NRXN1: variants seen among roughly 807,000 people sequenced by gnomAD.
NRXN1 encodes neurexin-1.
NRXN1 carries 39 observed loss-of-function variants against 150.9 expected under a neutral mutation model. The observed-to-expected ratio is 0.26, with a 90% CI of 0.20 to 0.34. The LOEUF is 0.34. Among genes scored for constraint, NRXN1 ranks in the 10% least tolerant of loss-of-function variants. The pLI is 1.00. For missense variants in NRXN1, 1,815 were observed against 1,949.9 expected (o/e 0.93, Z 1.30); for synonymous variants, 924 against 757.0 (o/e 1.22, Z -3.62).
intron 17 of NRXN1, among the ~76,000 whole-genome samples, chr2:50,423,127 C>T (rs2084131205): frequency 6.6e-6 from 1 of 152,144 alleles, no homozygotes; most frequent in Non-Finnish European, 1.5e-5. Context: ...CCTGGTGAAA[C>T]ATATTCCTTT....
chr2:49,958,894 G>C (rs1675440347), intron 21 of NRXN1, among the ~76,000 whole-genome samples: 1 of 152,120 alleles, frequency 6.6e-6, no homozygotes, highest in African/African-American at 2.4e-5. Context: ...GATAATCAAA[G>C]TTCTCCGTCC....
At chr2:50,090,550 G>A (rs551761675) in intron 19 of NRXN1, among the ~76,000 whole-genome samples, 16 of 152,064 alleles carry the variant, frequency 1.1e-4, no homozygotes, top group Non-Finnish European at 1.3e-4. Context: ...TACTTAAAAA[G>A]CATATTTGTT....
In NRXN1 at chr2:50,457,416, T is replaced by C. The variant is rs77522070; in HGVS notation, c.3364+8026A>G. On this transcript the variant is annotated intron_variant, in intron 17 of 22. Coordinates refer to ENST00000401669, the MANE Select transcript of NRXN1 (RefSeq NM_001330078.2). ...TGTGGGTACAGAAAAGAATATGGCCTTGAAGGCAGACGCATTCAAGTTCTG... is the reference window on the plus strand; with the variant it reads ...TGTGGGTACAGAAAAGAATATGGCCCTGAAGGCAGACGCATTCAAGTTCTG... Among the ~76,000 whole-genome samples, 955 of 152,172 alleles carry C rather than the reference T, an allele frequency of 6.3e-3. 13 individuals are homozygous for C. The highest frequency in any genetic ancestry group is 0.022 in the African/African-American group (904 of 41,526).
intron 18 of NRXN1, among the ~76,000 whole-genome samples, chr2:50,097,626 T>C (rs1037769809): frequency 2.6e-5 from 4 of 151,946 alleles, no homozygotes; most frequent in African/African-American, 9.7e-5. Flanking sequence ...AGATAATTGC[T>C]AATTTAGCCC....
intron 9 of NRXN1, among the ~76,000 whole-genome samples, chr2:50,548,492 C>A (rs1352312735): frequency 6.6e-6 from 1 of 151,898 alleles, no homozygotes; most frequent in African/African-American, 2.4e-5. Flanking sequence ...TAAAAGAGTG[C>A]CATTATTCTC....
intron 18 of NRXN1, among the ~76,000 whole-genome samples, chr2:50,200,825 C>T (rs1012690186): frequency 2.0e-5 from 3 of 152,106 alleles, no homozygotes; most frequent in Non-Finnish European, 4.4e-5. Context: ...CTTCTGGAAC[C>T]TATGAAAATT....
At chr2:50,476,223 G>C (rs1218610158) in intron 15 of NRXN1, among the ~76,000 whole-genome samples, 1 of 152,056 alleles carries the variant, frequency 6.6e-6, no homozygotes, top group Non-Finnish European at 1.5e-5. Context: ...TTTTAGTACT[G>C]TATATACACA....
At chr2:50,024,326 C>A (rs940397075) in intron 21 of NRXN1, among the ~76,000 whole-genome samples, 3 of 152,178 alleles carry the variant, frequency 2.0e-5, no homozygotes, top group Non-Finnish European at 4.4e-5. Flanking sequence ...GGTTTTTGCC[C>A]TGAGTGTTTT....
chr2:50,760,035 T>C (rs1454369810), intron 5 of NRXN1, among the ~76,000 whole-genome samples: 1 of 151,882 alleles, frequency 6.6e-6, no homozygotes, highest in East Asian at 2.0e-4. Flanking sequence ...AGACTCAGTT[T>C]ACACTTCAAG....
chr2:49,950,474 C>T (rs1673727606), intron 21 of NRXN1, among the ~76,000 whole-genome samples: 2 of 151,930 alleles, frequency 1.3e-5, no homozygotes. Context: ...GAATACAAAG[C>T]ACCTCATCTA....
At chr2:50,520,879 CT>C (rs1200796418) in intron 12 of NRXN1, among the ~76,000 whole-genome samples, 1 of 151,888 alleles carries the variant, frequency 6.6e-6, no homozygotes, top group Non-Finnish European at 1.5e-5. Context: ...TTAAAAATTT[CT>C]TTTTTATTTT....
intron 17 of NRXN1, among the ~76,000 whole-genome samples, chr2:50,258,076 T>C (rs2067886633): frequency 6.6e-6 from 1 of 152,054 alleles, no homozygotes; most frequent in Admixed American, 6.6e-5. Flanking sequence ...GGATCTTGCT[T>C]CATTGTTGAT....
At chr2:50,344,384 AT>A (rs1413997099) in intron 17 of NRXN1, among the ~76,000 whole-genome samples, 2 of 152,104 alleles carry the variant, frequency 1.3e-5, no homozygotes, top group African/African-American at 4.8e-5. Flanking sequence ...TGCGCCTCTG[AT>A]TGAAAAAAAC....
At chr2:50,601,913 G>T (rs1472772433) in intron 8 of NRXN1, among the ~76,000 whole-genome samples, 1 of 152,090 alleles carries the variant, frequency 6.6e-6, no homozygotes, top group East Asian at 1.9e-4. Context: ...TCACGTATTT[G>T]ATCTGCAATG....
chr2:50,492,188 G>C (rs981420613), intron 15 of NRXN1, among the ~76,000 whole-genome samples: 1 of 152,178 alleles, frequency 6.6e-6, no homozygotes, highest in South Asian at 2.1e-4. Flanking sequence ...ATTCCAGAGA[G>C]CAAATTTCTG....
At chr2:50,499,635 T>C (rs2091838034) in intron 13 of NRXN1, among the ~76,000 whole-genome samples, 1 of 152,014 alleles carries the variant, frequency 6.6e-6, no homozygotes, top group Non-Finnish European at 1.5e-5. Flanking sequence ...AGAAGCTAAG[T>C]ACAATGAAGA....
chr2:50,100,939 TTC>T (rs1700895852), intron 18 of NRXN1, among the ~76,000 whole-genome samples: 1 of 152,056 alleles, frequency 6.6e-6, no homozygotes, highest in East Asian at 1.9e-4. Flanking sequence ...TTCTTAATTT[TTC>T]ACAGGTAATA....
intron 2 of NRXN1, among the ~76,000 whole-genome samples, chr2:51,015,054 G>C (rs1236281904): frequency 6.6e-6 from 1 of 152,032 alleles, no homozygotes; most frequent in Non-Finnish European, 1.5e-5. Flanking sequence ...AGAGCCAGAA[G>C]TCAAGCAATG....
At chr2:50,537,560 C>T (rs1376514569) in intron 10 of NRXN1, among the ~76,000 whole-genome samples, 3 of 152,118 alleles carry the variant, frequency 2.0e-5, no homozygotes, top group Admixed American at 6.5e-5. Context: ...GGGTTTGCCT[C>T]CTGTTAGAAA....
Sources: gnomAD v4.1 joint callset for allele counts (sites outside exome capture counted in the v4.1 genomes callset) on GRCh38, gnomAD v4.1.1 for gene constraint, MANE v1.5 for transcripts, NCBI Gene and HGNC (gene_info 2026-07-23, HGNC 2026-07-21) for gene names.